LRIF1: variants seen among roughly 807,000 people sequenced by gnomAD.
LRIF1 encodes ligand-dependent nuclear receptor-interacting factor 1.
In LRIF1, 32 loss-of-function variants were observed where a neutral mutation model predicts 52.7. The observed-to-expected ratio is 0.61, with a 90% CI of 0.46 to 0.82. The LOEUF (loss-of-function observed/expected upper bound fraction) is 0.82. LRIF1 is among the 40% of genes least tolerant of loss of function. LRIF1 has a pLI of 0.00. For missense variants in LRIF1, 887 were observed against 892.0 expected (o/e 0.99, Z 0.07); for synonymous variants, 323 against 317.4 (o/e 1.02, Z -0.19).
rs753630385 is a variant in LRIF1 at position 110,952,252 on chromosome 1, G to GCGTTT, written c.631_632insAAACG (p.Ala211GlufsTer27). ...TCCTGAGGTACTGGTGGTGGCAGTT[G>GCGTTT]CAAGTATCTTTTGCTGCACTGAAGG... is the stretch of plus-strand genomic sequence containing the variant. On this transcript the variant is annotated frameshift_variant, in exon 2 of 4. Transcript: ENST00000369763. LOFTEE classifies it high-confidence loss of function. The GCGTTT allele has an allele frequency of 6.2e-7, 1 of 1,614,092 alleles. No individual in the cohort carries two copies. Among genetic ancestry groups the GCGTTT allele is most frequent in the African/African-American group, 1.3e-5 (1 of 74,932 alleles).
chr1:110,878,050 G>A, the LRIF1 span, among the ~76,000 whole-genome samples: 3 of 152,174 alleles, frequency 2.0e-5, no homozygotes, highest in Non-Finnish European at 4.4e-5. Flanking sequence ...AAAGAACTTG[G>A]CCTTCACCCT....
the LRIF1 span, among the ~76,000 whole-genome samples, chr1:110,915,910 T>C: frequency 4.6e-5 from 7 of 152,342 alleles, no homozygotes; most frequent in African/African-American, 1.7e-4. Context: ...CAGCTAGTAG[T>C]AGATGCCTGA....
Position 110,951,438 on chromosome 1 carries a change from A to G in LRIF1, c.1446T>C (p.Phe482=), listed in dbSNP as rs1383571529. The part of the protein sequence containing the change: ...LFTNPIFPVG[F]STGHNAPRKV... ...TTCTGGGGGCATTGTGTCCTGTACT[A>G]AATCCAACTGGAAAGATTGGATTTG... is the stretch of plus-strand genomic sequence containing the variant. Residue 482 remains phenylalanine (F), a synonymous_variant, in exon 2 of 4, where the codon TTT becomes TTC. Coordinates refer to ENST00000369763, the MANE Select transcript of LRIF1 (RefSeq NM_018372.4). The G allele has an allele frequency of 6.2e-7, 1 of 1,614,106 alleles. No individual in the cohort carries two copies. Among genetic ancestry groups the G allele is most frequent in the South Asian group, 1.1e-5 (1 of 91,070 alleles).
the LRIF1 span, among the ~76,000 whole-genome samples, chr1:110,876,252 A>G: frequency 6.6e-6 from 1 of 152,182 alleles, no homozygotes; most frequent in Non-Finnish European, 1.5e-5. Flanking sequence ...GTTATTCAGA[A>G]TGTCTTCTGA....
Position 110,963,693 on chromosome 1 carries a change from G to A in LRIF1, c.-5C>T. 1 of 1,603,748 alleles carries A rather than the reference G, an allele frequency of 6.2e-7. No individual in the cohort carries two copies. Among genetic ancestry groups the A allele is most frequent in the Non-Finnish European group, 8.5e-7 (1 of 1,172,352 alleles). On this transcript the variant is annotated 5_prime_UTR_variant, in exon 1 of 4. Coordinates refer to ENST00000369763, the MANE Select transcript of LRIF1 (RefSeq NM_018372.4). ...CCTCCGTAGGTTATTTGACATTTTA[G>A]TGGGGAGAAAGGGGACACCTCATCC... is the stretch of plus-strand genomic sequence containing the variant.
the LRIF1 span, among the ~76,000 whole-genome samples, chr1:110,913,367 G>A: frequency 1.3e-5 from 2 of 151,700 alleles, no homozygotes; most frequent in Non-Finnish European, 3.0e-5. Flanking sequence ...CAAGAGAAAC[G>A]ATCAATCTAC....
chr1:110,955,566 TAA>T (rs756245261), intron 1 of LRIF1, among the ~76,000 whole-genome samples: 1 of 152,180 alleles, frequency 6.6e-6, no homozygotes, highest in Non-Finnish European at 1.5e-5. Context: ...GCAATTATAC[TAA>T]AAGTTTCTGA....
chr1:110,888,988 T>C, the LRIF1 span, among the ~76,000 whole-genome samples: 3 of 152,226 alleles, frequency 2.0e-5, no homozygotes, highest in African/African-American at 4.8e-5. Flanking sequence ...TTTGTTACTG[T>C]TCTTTGGGAC....
chr1:110,955,549 A>G (rs1297968242), intron 1 of LRIF1, among the ~76,000 whole-genome samples: 2 of 152,230 alleles, frequency 1.3e-5, no homozygotes, highest in Admixed American at 1.3e-4. Flanking sequence ...GATTTTAAGA[A>G]AATTGGGCAA....
chr1:110,948,756 C>T (rs1269649518), intron 3 of LRIF1, among the ~76,000 whole-genome samples: 2 of 152,016 alleles, frequency 1.3e-5, no homozygotes, highest in South Asian at 2.1e-4. Context: ...GATTTTCATT[C>T]GAAAAGGTTT....
the LRIF1 span, chr1:110,896,591 T>A: frequency 1.3e-6 from 2 of 1,499,290 alleles, no homozygotes; most frequent in Non-Finnish European, 1.9e-6. Flanking sequence ...TCCTCTAAGG[T>A]CCACAGCTTT....
chr1:110,896,801 C>A, the LRIF1 span: 3 of 1,368,976 alleles, frequency 2.2e-6, no homozygotes, highest in Middle Eastern at 1.8e-4. Flanking sequence ...TCGGAAACTG[C>A]AGTCATAGAG....
the LRIF1 span, among the ~76,000 whole-genome samples, chr1:110,878,724 A>T: frequency 6.6e-6 from 1 of 152,230 alleles, no homozygotes; most frequent in East Asian, 1.9e-4. Context: ...ATTCACTGAA[A>T]GAAAACAATT....
chr1:110,962,665 C>T (rs1659008464), intron 1 of LRIF1, among the ~76,000 whole-genome samples: 1 of 152,178 alleles, frequency 6.6e-6, no homozygotes, highest in South Asian at 2.1e-4. Context: ...CTATTATTTA[C>T]AGACTGGAAA....
chr1:110,892,347 C>T, the LRIF1 span: 4 of 1,613,256 alleles, frequency 2.5e-6, no homozygotes, highest in Non-Finnish European at 3.4e-6. Flanking sequence ...CCTTTCAGAT[C>T]TGTGGCTGCT....
At chr1:110,948,838 G>T (rs1388364001) in intron 3 of LRIF1, among the ~76,000 whole-genome samples, 2 of 152,064 alleles carry the variant, frequency 1.3e-5, no homozygotes, top group African/African-American at 4.8e-5. Flanking sequence ...ATAACAGTAG[G>T]CAAAGTTATA....
At chr1:110,880,023 A>C in the LRIF1 span, among the ~76,000 whole-genome samples, 1 of 152,226 alleles carries the variant, frequency 6.6e-6, no homozygotes, top group Non-Finnish European at 1.5e-5. Context: ...CCATTGGAGG[A>C]AACTAAAGAG....
In LRIF1 at chr1:110,954,969, C is replaced by T. The variant is rs139074509; in HGVS notation, c.69-2154G>A. Among the ~76,000 whole-genome samples, 433 of 152,294 alleles carry T rather than the reference C, an allele frequency of 2.8e-3. 1 individual carries two copies. Among genetic ancestry groups the T allele is most frequent in the Middle Eastern group, 6.8e-3 (2 of 292 alleles). On this transcript the variant is annotated intron_variant, in intron 1 of 3. Coordinates refer to ENST00000369763, the MANE Select transcript of LRIF1 (RefSeq NM_018372.4). ...TTTGTTAGATGCTTTCTTCTCAATG[C>T]ATAACTTCAATTAAATTATCACTTA... is the stretch of plus-strand genomic sequence containing the variant.
Position 110,951,740 on chromosome 1 carries a change from GT to G in LRIF1, c.1143del (p.Gln381HisfsTer11), listed in dbSNP as rs1344594377. The G allele has an allele frequency of 6.2e-7, 1 of 1,613,484 alleles. No homozygotes were observed. Among genetic ancestry groups the G allele is most frequent in the African/African-American group, 1.3e-5 (1 of 74,906 alleles). On this transcript the variant is annotated frameshift_variant, in exon 2 of 4. Coordinates refer to ENST00000369763, the MANE Select transcript of LRIF1 (RefSeq NM_018372.4). LOFTEE classifies it high-confidence loss of function. Reference sequence around the variant, plus strand: ...GGAGTATCAGGAGAAACAGAATTCTGTTGGTCAATTTGTGATGGCAGAACAT... The same window carrying G: ...GGAGTATCAGGAGAAACAGAATTCTGTGGTCAATTTGTGATGGCAGAACAT... ...GTDVLPSQID[Q>X]QNSVSPDTPV...
Sources: gnomAD v4.1 joint callset for allele counts (sites outside exome capture counted in the v4.1 genomes callset) on GRCh38, gnomAD v4.1.1 for gene constraint, MANE v1.5 for transcripts, NCBI Gene and HGNC (gene_info 2026-07-23, HGNC 2026-07-21) for gene names.